EXOC5: variants seen among roughly 807,000 people sequenced by gnomAD.
EXOC5 encodes exocyst complex component 5.
Under a neutral mutation model 90.8 loss-of-function variants are expected in EXOC5, and 17 were observed. That is an observed-to-expected ratio of 0.19 (90% CI 0.13 to 0.28). The LOEUF is 0.28. EXOC5 is among the 10% of genes least tolerant of loss of function. The pLI, the probability that EXOC5 is intolerant of heterozygous loss-of-function variation, is 1.00. For synonymous variants in EXOC5, 260 were observed against 270.0 expected, an observed-to-expected ratio of 0.96 and a Z score of 0.36; for missense variants, 569 against 830.6, an observed-to-expected ratio of 0.69 and a Z score of 3.87.
intron 12 of EXOC5, among the ~76,000 whole-genome samples, chr14:57,229,292 T>A (rs1883404813): frequency 6.6e-6 from 1 of 152,194 alleles, no homozygotes; most frequent in Admixed American, 6.5e-5. Context: ...TCAGAGTAAA[T>A]TTATATCTTA....
chr14:57,232,856 A>C, intron 9 of EXOC5, 107 bp from the exon 10 acceptor site: 1 of 530,786 alleles, frequency 1.9e-6, no homozygotes, highest in Non-Finnish European at 3.3e-6. Context: ...AACCTTTCTG[A>C]CTTACAATCC....
intron 15 of EXOC5, among the ~76,000 whole-genome samples, chr14:57,210,453 A>AAT (rs767787409): frequency 5.3e-5 from 8 of 152,108 alleles, no homozygotes; most frequent in Non-Finnish European, 1.0e-4. Flanking sequence ...CAGATTTTGG[A>AAT]ATATTTGTAC....
At chr14:57,241,787 A>G (rs1594671198) in intron 4 of EXOC5, among the ~76,000 whole-genome samples, 2 of 152,174 alleles carry the variant, frequency 1.3e-5, no homozygotes, top group African/African-American at 4.8e-5. Context: ...AAAGATAATC[A>G]CAGTCATCAA....
intron 2 of EXOC5, among the ~76,000 whole-genome samples, chr14:57,247,366 C>A (rs976083596): frequency 5.9e-5 from 9 of 152,044 alleles, no homozygotes; most frequent in African/African-American, 2.2e-4. Context: ...TAGTTTATGA[C>A]TCATTAGAAG....
chr14:57,268,497 C>T, intron 1 of EXOC5, 125 bp downstream of exon 1: 1 of 1,530,742 alleles, frequency 6.5e-7, no homozygotes, highest in Non-Finnish European at 8.7e-7. Context: ...CCCAACCCTT[C>T]TGTTTCGCAC....
chr14:57,252,769 G>A (rs1366182544), intron 1 of EXOC5, among the ~76,000 whole-genome samples: 2 of 152,040 alleles, frequency 1.3e-5, no homozygotes, highest in Admixed American at 1.3e-4. Context: ...TAATGATCCA[G>A]CAATCATACT....
At chr14:57,231,358 C>T (rs560485196) in intron 11 of EXOC5, 148 bp downstream of exon 11, 8 of 616,230 alleles carry the variant, frequency 1.3e-5, no homozygotes, top group African/African-American at 1.1e-4. Flanking sequence ...GGTTTAAGAA[C>T]AAGATTTGAT....
At chr14:57,268,079 T>C (rs759574984) in intron 1 of EXOC5, among the ~76,000 whole-genome samples, 39 of 150,980 alleles carry the variant, frequency 2.6e-4, no homozygotes, top group Admixed American at 5.3e-4. Context: ...AAAAAAAAAA[T>C]TGTCCCAGCC....
intron 1 of EXOC5, among the ~76,000 whole-genome samples, chr14:57,249,414 T>G (rs1884123314): frequency 7.1e-6 from 1 of 141,564 alleles, no homozygotes; most frequent in Non-Finnish European, 1.5e-5. Context: ...CACGTTATAC[T>G]GTTCATCAAT....
At chr14:57,267,596 A>C (rs546013917) in intron 1 of EXOC5, among the ~76,000 whole-genome samples, 13 of 152,168 alleles carry the variant, frequency 8.5e-5, no homozygotes, top group Non-Finnish European at 1.8e-4. Flanking sequence ...CACACACACA[A>C]AAAAGGGGTC....
At chr14:57,238,515 T>C (rs994732807) in intron 5 of EXOC5, among the ~76,000 whole-genome samples, 2 of 151,664 alleles carry the variant, frequency 1.3e-5, no homozygotes, top group Non-Finnish European at 2.9e-5. Context: ...TATGAGCCTA[T>C]TTTGAGCTAG....
At chr14:57,232,562 A>G in intron 10 of EXOC5, 105 bp downstream of exon 10, 1 of 553,960 alleles carries the variant, frequency 1.8e-6, no homozygotes, top group Non-Finnish European at 3.2e-6. Flanking sequence ...GCTAAAAGGT[A>G]AACTGGTGAC....
Position 57,220,149 on chromosome 14 carries a change from T to C in EXOC5, c.1406-707A>G, listed in dbSNP as rs553034940. 2.0e-5 allele frequency among the ~76,000 whole-genome samples: 3 copies of C among 152,240 alleles called. No individual in the cohort carries two copies. In the East Asian group the frequency reaches 5.8e-4, roughly 29 times the overall value. The stretch of plus-strand genomic sequence containing the variant: ...CAGGCTTGACACATAGAGTTCTTTT[T>C]AGAACAATGATTTTTTTTTTCTCTT... On this transcript the variant is annotated intron_variant, in intron 13 of 17. Transcript: ENST00000621441.
rs1882632083 is a variant in EXOC5, at chr14:57,205,753, A to G, written c.*2856T>C. 2.5e-6 allele frequency: 1 copy of G among 392,864 alleles called. No homozygotes were observed. Among genetic ancestry groups the G allele is most frequent in the Admixed American group, 3.8e-5 (1 of 26,546 alleles). 24.3% of individuals were successfully genotyped at this position (392,864 alleles called of 1,614,324 possible). A position where few individuals can be genotyped will look rare whatever the true frequency, so the allele number is the denominator to read the frequency against. On this transcript the variant is annotated 3_prime_UTR_variant, in exon 18 of 18. Coordinates refer to ENST00000621441, the MANE Select transcript of EXOC5 (RefSeq NM_006544.4). ...TATTTAGAAGTGAAAGAGGGGGGAA[A>G]AAAGAATGATCTACAATGTAATATA... is the stretch of plus-strand genomic sequence containing the variant.
intron 1 of EXOC5, among the ~76,000 whole-genome samples, chr14:57,250,404 G>A (rs1884155846): frequency 6.6e-6 from 1 of 152,128 alleles, no homozygotes; most frequent in African/African-American, 2.4e-5. Flanking sequence ...CCTTCTTCTT[G>A]GGAATGCCTA....
At chr14:57,215,857 G>T (rs1882956480) in intron 15 of EXOC5, among the ~76,000 whole-genome samples, 1 of 152,012 alleles carries the variant, frequency 6.6e-6, no homozygotes, top group Admixed American at 6.6e-5. Flanking sequence ...AGAAATAAAA[G>T]ACATCTAAAT....
intron 1 of EXOC5, among the ~76,000 whole-genome samples, chr14:57,260,355 T>A (rs1210745748): frequency 6.6e-6 from 1 of 152,182 alleles, no homozygotes; most frequent in African/African-American, 2.4e-5. Flanking sequence ...GAAAACTACT[T>A]GCACAAACAC....
At chr14:57,223,022 T>G (rs1883200124) in intron 12 of EXOC5, among the ~76,000 whole-genome samples, 1 of 152,168 alleles carries the variant, frequency 6.6e-6, no homozygotes, top group Non-Finnish European at 1.5e-5. Context: ...CCTGATTAAG[T>G]GAACCTTTGA....
At chr14:57,218,444 C>A (rs1883033447) in intron 14 of EXOC5, among the ~76,000 whole-genome samples, 1 of 151,918 alleles carries the variant, frequency 6.6e-6, no homozygotes, top group Non-Finnish European at 1.5e-5. Flanking sequence ...ACTATCATCA[C>A]CAGAGTTTTA....
Sources: gnomAD v4.1 joint callset for allele counts (sites outside exome capture counted in the v4.1 genomes callset) on GRCh38, gnomAD v4.1.1 for gene constraint, MANE v1.5 for transcripts, NCBI Gene and HGNC (gene_info 2026-07-23, HGNC 2026-07-21) for gene names.